RAPGEF6: variants seen among roughly 807,000 people sequenced by gnomAD.
The protein encoded by RAPGEF6 is Rap guanine nucleotide exchange factor 6.
Under a neutral mutation model 171.4 loss-of-function variants are expected in RAPGEF6, and 56 were observed. The observed-to-expected ratio is 0.33, with a 90% CI of 0.26 to 0.41. The LOEUF (loss-of-function observed/expected upper bound fraction) is 0.41, where lower values mean the gene tolerates loss of function less well. Among genes scored for constraint, RAPGEF6 ranks in the 10% least tolerant of loss-of-function variants. The pLI is 1.00. For missense variants in RAPGEF6, 1,674 were observed against 1,921.4 expected (o/e 0.87, Z 2.41); for synonymous variants, 692 against 650.1 (o/e 1.06, Z -0.98).
In RAPGEF6 at chr5:131,472,762, A is replaced by AT; in HGVS notation, c.2082-19dup. ...CTCCATCACTTCAAAAGAATGTCAT[A>AT]TATCACTTTAAAGTATTTGAGAGTA... On this transcript the variant is annotated intron_variant, in intron 16 of 27. Coordinates refer to ENST00000509018, the MANE Select transcript of RAPGEF6 (RefSeq NM_016340.6). The AT allele has an allele frequency of 1.3e-6, 2 of 1,593,404 alleles. No individual in the cohort carries two copies. The highest frequency in any genetic ancestry group is 1.7e-6 in the Non-Finnish European group (2 of 1,161,364).
chr5:131,453,521 T>A (rs1753252629), intron 20 of RAPGEF6, among the ~76,000 whole-genome samples: 1 of 151,728 alleles, frequency 6.6e-6, no homozygotes, highest in South Asian at 2.1e-4. Context: ...AGCTCAGGAG[T>A]TTGAGGCTGC....
At chr5:131,535,738 TTATTTA>T (rs1759721778) in intron 6 of RAPGEF6, among the ~76,000 whole-genome samples, 1 of 152,168 alleles carries the variant, frequency 6.6e-6, no homozygotes, top group Non-Finnish European at 1.5e-5. Flanking sequence ...ACTGTGTATA[TTATTTA>T]TAAACAAAAA....
intron 7 of RAPGEF6, among the ~76,000 whole-genome samples, chr5:131,519,900 A>C (rs2149907288): frequency 6.6e-6 from 1 of 152,328 alleles, no homozygotes; most frequent in African/African-American, 2.4e-5. Flanking sequence ...CCCAATAGGT[A>C]CACAAGTACT....
chr5:131,623,695 G>A (rs759406908), intron 1 of RAPGEF6, among the ~76,000 whole-genome samples: 82 of 151,966 alleles, frequency 5.4e-4, no homozygotes, highest in Middle Eastern at 3.4e-3. Context: ...ATGTCGGTCA[G>A]GCTGGTTTCG....
intron 14 of RAPGEF6, among the ~76,000 whole-genome samples, chr5:131,490,063 G>A (rs1218081348): frequency 2.0e-5 from 3 of 152,088 alleles, no homozygotes; most frequent in Non-Finnish European, 4.4e-5. Flanking sequence ...TTTAAAGGGA[G>A]TACTCTAAAT....
intron 6 of RAPGEF6, among the ~76,000 whole-genome samples, chr5:131,527,843 GTC>G (rs1351110782): frequency 9.3e-5 from 14 of 151,350 alleles, no homozygotes; most frequent in African/African-American, 3.4e-4. Context: ...GTGAAACCCT[GTC>G]TCTACTAAAA....
intron 4 of RAPGEF6, among the ~76,000 whole-genome samples, chr5:131,591,107 A>C (rs996664212): frequency 6.6e-6 from 1 of 152,234 alleles, no homozygotes. Context: ...TCAGGAGTCA[A>C]GGCATGACTT....
intron 4 of RAPGEF6, among the ~76,000 whole-genome samples, chr5:131,585,754 AG>A (rs765998976): frequency 6.6e-6 from 1 of 152,118 alleles, no homozygotes; most frequent in Non-Finnish European, 1.5e-5. Flanking sequence ...TGAACCCATG[AG>A]GTGGAGGGTG....
chr5:131,431,370 C>A, intron 25 of RAPGEF6, 21 bp from the exon 26 acceptor site: 1 of 1,565,864 alleles, frequency 6.4e-7, no homozygotes, highest in South Asian at 1.2e-5. Flanking sequence ...AGATAACGTA[C>A]AATTAGAAGG....
chr5:131,592,522 T>C, intron 3 of RAPGEF6, 56 bp from the exon 4 acceptor site: 1 of 1,566,852 alleles, frequency 6.4e-7, no homozygotes, highest in East Asian at 2.4e-5. Flanking sequence ...TTCATATGTA[T>C]ATGAATTCAA....
chr5:131,608,949 T>C (rs910570613), intron 1 of RAPGEF6, among the ~76,000 whole-genome samples: 2 of 152,072 alleles, frequency 1.3e-5, no homozygotes, highest in African/African-American at 4.8e-5. Context: ...TTTAGTTTTA[T>C]TTATTTATTT....
intron 3 of RAPGEF6, among the ~76,000 whole-genome samples, chr5:131,599,725 A>T (rs549409861): frequency 3.9e-5 from 6 of 152,338 alleles, no homozygotes; most frequent in South Asian, 2.1e-4. Context: ...ACACTTCCCT[A>T]AACTTTTCAG....
At chr5:131,455,137 ATAG>A (rs1291495641) in intron 20 of RAPGEF6, among the ~76,000 whole-genome samples, 1 of 152,280 alleles carries the variant, frequency 6.6e-6, no homozygotes, top group Non-Finnish European at 1.5e-5. Context: ...TGAATAAAAA[ATAG>A]TAGTAACAAC....
chr5:131,528,182 ATTATAT>A (rs1248370123), intron 6 of RAPGEF6, among the ~76,000 whole-genome samples: 429 of 19,514 alleles, frequency 0.022, 5 homozygotes, highest in Non-Finnish European at 0.081. Context: ...ATAAATTTAT[ATTATAT>A]TATAATTATA....
intron 5 of RAPGEF6, among the ~76,000 whole-genome samples, chr5:131,552,587 A>C (rs1234788963): frequency 1.3e-5 from 2 of 151,830 alleles, no homozygotes; most frequent in African/African-American, 4.8e-5. Context: ...CAGCCTCCCA[A>C]GTAGCTGGGA....
chr5:131,483,332 G>C (rs902336260), intron 15 of RAPGEF6, among the ~76,000 whole-genome samples: 2 of 136,568 alleles, frequency 1.5e-5, no homozygotes, highest in South Asian at 2.5e-4. Context: ...CTGGGCAACA[G>C]AGTAAGACTC....
intron 6 of RAPGEF6, among the ~76,000 whole-genome samples, chr5:131,547,840 A>G (rs1421390323): frequency 6.6e-6 from 1 of 152,042 alleles, no homozygotes; most frequent in Non-Finnish European, 1.5e-5. Flanking sequence ...AAACAACAAC[A>G]AAAAAGCAAA....
At chr5:131,624,275 T>C (rs922951729) in intron 1 of RAPGEF6, among the ~76,000 whole-genome samples, 1 of 152,218 alleles carries the variant, frequency 6.6e-6, no homozygotes, top group African/African-American at 2.4e-5. Flanking sequence ...AGATTTGAAG[T>C]AGGCTTGTCC....
In RAPGEF6 at chr5:131,479,752, C is replaced by A. The variant is rs376625752; in HGVS notation, c.1842G>T (p.Val614=). Residue 614 remains valine (V), a splice_region_variant and synonymous_variant, in exon 16 of 28, where the codon GTG becomes GTT. Coordinates refer to ENST00000509018, the MANE Select transcript of RAPGEF6 (RefSeq NM_016340.6). ...CAGTCCTAAAAAGTAACTCTTTGAA[C>A]ACTGTGGAAATAAAACAAATGCGTC... ...LALTVKTNIF[V]FKELLFRTEQ... The A allele has an allele frequency of 1.7e-5, 27 of 1,610,866 alleles. No individual in the cohort carries two copies. The highest frequency in any genetic ancestry group is 2.2e-5 in the Non-Finnish European group (26 of 1,178,876).
Sources: allele counts gnomAD v4.1 joint callset (sites outside exome capture counted in the v4.1 genomes callset), GRCh38; gene constraint gnomAD v4.1.1; transcripts MANE v1.5; gene names NCBI Gene and HGNC (gene_info 2026-07-23, HGNC 2026-07-21).